The following METTL15 variants were observed in gnomAD, a reference collection of about 807,000 sequenced individuals.
The protein encoded by METTL15 is 12S rRNA N(4)-cytidine methyltransferase METTL15.
Under a neutral mutation model 38.3 loss-of-function variants are expected in METTL15, and 34 were observed. That is an observed-to-expected ratio of 0.89 (90% CI 0.68 to 1.18). The LOEUF (loss-of-function observed/expected upper bound fraction) is 1.18, where lower values mean the gene tolerates loss of function less well. Among genes scored for constraint, METTL15 ranks in the 50% most tolerant of loss-of-function variants. The pLI is 0.00. For missense variants in METTL15, 438 were observed against 498.4 expected, an observed-to-expected ratio of 0.88 and a Z score of 1.15; for synonymous variants, 162 against 170.9, an observed-to-expected ratio of 0.95 and a Z score of 0.41.
intron 5 of METTL15, among the ~76,000 whole-genome samples, chr11:28,390,305 T>C (rs1355899386): frequency 4.0e-5 from 6 of 151,318 alleles, no homozygotes; most frequent in Admixed American, 4.0e-4. Flanking sequence ...TCCTTGCCCA[T>C]GCCTATGTCC....
At position 28,330,990 on chromosome 11, in the gene METTL15, CTG is replaced by C. The variant is rs1340510682; in HGVS notation, c.*151_*152del. Reference sequence around the variant, plus strand: ...GCATTTCTTTTTTCTCAAAAAGAAACTGTAGGAAATACATGACAGAGAAAGTT... The same window carrying C: ...GCATTTCTTTTTTCTCAAAAAGAAACTAGGAAATACATGACAGAGAAAGTT... On this transcript the variant is annotated 3_prime_UTR_variant, in exon 7 of 7. Transcript: ENST00000407364. The C allele has an allele frequency of 1.2e-5, 7 of 587,160 alleles. No homozygotes were observed. Among genetic ancestry groups the C allele is most frequent in the Non-Finnish European group, 2.1e-5 (7 of 338,488 alleles). The allele number at this position is 587,160 out of a possible 1,614,324, so 36.4% of individuals were successfully genotyped here.
At chr11:28,381,052 A>G (rs948826359) in intron 5 of METTL15, among the ~76,000 whole-genome samples, 3 of 152,202 alleles carry the variant, frequency 2.0e-5, no homozygotes, top group African/African-American at 7.2e-5. Flanking sequence ...GTCCAGTGGC[A>G]TGTTCATAGC....
intron 4 of METTL15, among the ~76,000 whole-genome samples, chr11:28,261,741 C>A (rs1191723194): frequency 1.3e-5 from 2 of 152,052 alleles, no homozygotes; most frequent in African/African-American, 4.8e-5. Flanking sequence ...AAATAGTTGG[C>A]TATTATAATT....
chr11:28,395,325 T>G (rs1209980503), intron 5 of METTL15, among the ~76,000 whole-genome samples: 1 of 152,076 alleles, frequency 6.6e-6, no homozygotes, highest in East Asian at 1.9e-4. Flanking sequence ...GGAATAGGGA[T>G]GGCAAGATAA....
chr11:28,431,808 GAAAAA>G (rs1186274147), intron 6 of METTL15, among the ~76,000 whole-genome samples: 2 of 87,076 alleles, frequency 2.3e-5, no homozygotes, highest in South Asian at 4.2e-4. Context: ...AAAAAAAAAA[GAAAAA>G]AAAAAAAAAA....
chr11:28,130,152 C>CA (rs1276827306), intron 3 of METTL15, among the ~76,000 whole-genome samples: 3 of 151,430 alleles, frequency 2.0e-5, no homozygotes, highest in East Asian at 1.9e-4. Flanking sequence ...CTCTACAAAA[C>CA]AAAAAAAATA....
At chr11:28,262,884 A>G (rs972054986) in intron 4 of METTL15, among the ~76,000 whole-genome samples, 1 of 152,236 alleles carries the variant, frequency 6.6e-6, no homozygotes. Context: ...TCTCACATAC[A>G]TGAAGCTTCA....
chr11:28,426,146 T>G (rs890780051), intron 6 of METTL15, among the ~76,000 whole-genome samples: 1 of 152,130 alleles, frequency 6.6e-6, no homozygotes, highest in African/African-American at 2.4e-5. Context: ...CCCCCTCATA[T>G]TTCCATGTGT....
chr11:28,163,397 T>C (rs1253101329), intron 3 of METTL15: 1 of 398,134 alleles, frequency 2.5e-6, no homozygotes, highest in Non-Finnish European at 4.4e-6. Flanking sequence ...AGAACTTCAT[T>C]CTACAGCAGC....
intron 6 of METTL15, among the ~76,000 whole-genome samples, chr11:28,305,057 C>CA (rs1278232373): frequency 6.6e-6 from 1 of 152,142 alleles, no homozygotes; most frequent in Non-Finnish European, 1.5e-5. Flanking sequence ...TTCTCGAACT[C>CA]AATCTATTAC....
At chr11:28,489,286 G>A (rs1851473807) in intron 6 of METTL15, among the ~76,000 whole-genome samples, 1 of 152,104 alleles carries the variant, frequency 6.6e-6, no homozygotes, top group South Asian at 2.1e-4. Context: ...TTGAACTTGT[G>A]ATTCTAAAAC....
chr11:28,435,671 T>G (rs1371078022), intron 6 of METTL15, among the ~76,000 whole-genome samples: 1 of 152,206 alleles, frequency 6.6e-6, no homozygotes, highest in Non-Finnish European at 1.5e-5. Flanking sequence ...GCTGGCAAAC[T>G]GTTGCCAATG....
chr11:28,138,938 C>T (rs1196333129), intron 3 of METTL15, among the ~76,000 whole-genome samples: 1 of 152,220 alleles, frequency 6.6e-6, no homozygotes, highest in Non-Finnish European at 1.5e-5. Context: ...AGATTGGCTA[C>T]AGCCTAAGAC....
chr11:28,204,972 T>A (rs1852262954), intron 3 of METTL15, among the ~76,000 whole-genome samples: 1 of 152,050 alleles, frequency 6.6e-6, no homozygotes, highest in South Asian at 2.1e-4. Flanking sequence ...GCACAAAATA[T>A]ACATTTAAAA....
At chr11:28,302,262 T>A (rs1406948914) in intron 6 of METTL15, among the ~76,000 whole-genome samples, 1 of 152,114 alleles carries the variant, frequency 6.6e-6, no homozygotes, top group Admixed American at 6.6e-5. Flanking sequence ...AAGTGCACAT[T>A]CAATCAGAAA....
At chr11:28,397,307 C>G (rs1385460025) in intron 5 of METTL15, among the ~76,000 whole-genome samples, 1 of 151,712 alleles carries the variant, frequency 6.6e-6, no homozygotes, top group Non-Finnish European at 1.5e-5. Context: ...AACAGGCAAC[C>G]TACAGAATGG....
chr11:28,287,155 AATGTGT>A (rs1565225392), intron 4 of METTL15: 3 of 74,422 alleles, frequency 4.0e-5, no homozygotes, highest in African/African-American at 1.7e-4. Context: ...AGAGAGAGAC[AATGTGT>A]GTGTGTGTGT....
chr11:28,355,846 T>C (rs745554017), intron 4 of METTL15, among the ~76,000 whole-genome samples: 6 of 152,174 alleles, frequency 3.9e-5, no homozygotes, highest in Non-Finnish European at 5.9e-5. Context: ...AATAAAATAA[T>C]ATATATCATT....
intron 4 of METTL15, among the ~76,000 whole-genome samples, chr11:28,267,396 C>T (rs377246866): frequency 1.4e-4 from 22 of 152,264 alleles, no homozygotes; most frequent in African/African-American, 5.1e-4. Flanking sequence ...TTTGCTGAGA[C>T]ATTACCTGCT....
Sources: gnomAD v4.1 joint callset for allele counts (sites outside exome capture counted in the v4.1 genomes callset) on GRCh38, gnomAD v4.1.1 for gene constraint, MANE v1.5 for transcripts, NCBI Gene and HGNC (gene_info 2026-07-23, HGNC 2026-07-21) for gene names.